SMARCAD1: variants seen among roughly 807,000 people sequenced by gnomAD.
SMARCAD1 encodes the protein SWI/SNF-related matrix-associated actin-dependent regulator of chromatin subfamily A containing DEAD/H box 1.
SMARCAD1 carries 25 observed loss-of-function variants against 127.1 expected under a neutral mutation model. That is an observed-to-expected ratio of 0.20 (90% confidence interval 0.14 to 0.27). The LOEUF (loss-of-function observed/expected upper bound fraction) is 0.27, where lower values mean the gene tolerates loss of function less well. Among genes scored for constraint, SMARCAD1 ranks in the 10% least tolerant of loss-of-function variants. The pLI is 1.00. For synonymous variants in SMARCAD1, 400 were observed against 396.9 expected, an observed-to-expected ratio of 1.01 and a Z score of -0.09; for missense variants, 807 against 1,206.0, an observed-to-expected ratio of 0.67 and a Z score of 4.90.
intron 11 of SMARCAD1, among the ~76,000 whole-genome samples, chr4:94,271,099 T>C (rs1331817227): frequency 6.6e-6 from 1 of 152,238 alleles, no homozygotes; most frequent in East Asian, 1.9e-4. Flanking sequence ...AAGTCACCTG[T>C]AATTCTACCA....
At chr4:94,279,903 C>T (rs1286738965) in intron 19 of SMARCAD1, among the ~76,000 whole-genome samples, 4 of 151,548 alleles carry the variant, frequency 2.6e-5, no homozygotes, top group Non-Finnish European at 5.9e-5. Context: ...TTGCTCTTGT[C>T]GCCCAGGCTG....
At position 94,226,145 on chromosome 4, in the gene SMARCAD1, G is replaced by T; in HGVS notation, c.217G>T (p.Asp73Tyr). ...AGATTCTAGTGTTCCAGAAACTCCA[G>T]ATAATGAAAGAAAAGCAAGTATATC... ...TEDSSVPETP[D>Y]NERKASISYF... Residue 73 changes from aspartate to tyrosine, a missense_variant, in exon 3 of 24, where the codon GAT becomes TAT. This residue lies in a region of SMARCAD1 where 175 missense variants were observed against 169.5 expected (regional missense o/e 1.03). Coordinates refer to ENST00000354268, the MANE Select transcript of SMARCAD1 (RefSeq NM_020159.5). 1.9e-6 allele frequency: 3 copies of T among 1,611,004 alleles called. No homozygotes were observed. Among genetic ancestry groups the T allele is most frequent in the Non-Finnish European group, 2.5e-6 (3 of 1,177,842 alleles).
chr4:94,238,950 G>A (rs958432890), intron 5 of SMARCAD1, among the ~76,000 whole-genome samples: 11 of 152,100 alleles, frequency 7.2e-5, no homozygotes, highest in African/African-American at 1.7e-4. Flanking sequence ...AACCTCTGCC[G>A]TCATAAGAGT....
At chr4:94,279,312 A>C (rs1272276176) in intron 19 of SMARCAD1, among the ~76,000 whole-genome samples, 4 of 152,210 alleles carry the variant, frequency 2.6e-5, no homozygotes, top group African/African-American at 9.6e-5. Context: ...ATGCCCGGCT[A>C]ATTTTTTTGT....
chr4:94,223,761 A>T (rs28735979), intron 2 of SMARCAD1, among the ~76,000 whole-genome samples: 4,738 of 35,660 alleles, frequency 0.13, 287 homozygotes, highest in Middle Eastern at 0.19. Flanking sequence ...TTTTTTTTTT[A>T]AAGTAGAGAC....
chr4:94,254,531 G>A (rs7685121), intron 9 of SMARCAD1, among the ~76,000 whole-genome samples: 83,273 of 151,896 alleles, frequency 0.55, 23,323 homozygotes, highest in East Asian at 0.72. Flanking sequence ...CTTAACATGT[G>A]GAAAGCATAT....
rs1004591103 is a variant in SMARCAD1, at chr4:94,223,573, C to T, written c.191-2546C>T. Among the ~76,000 whole-genome samples, 190 of 142,922 alleles carry T rather than the reference C, an allele frequency of 1.3e-3. 7 individuals are homozygous for T. The South Asian group carries it at 0.029, about 22-fold the overall frequency. 93.8% of individuals were successfully genotyped at this position (142,922 alleles called of 152,430 possible). ...CATTTTCTCATAGCCTTTCCTTTTT[C>T]TTTTTTTTTTTGGAGACAGAGTTAA... On this transcript the variant is annotated intron_variant, in intron 2 of 23. Coordinates refer to ENST00000354268, the MANE Select transcript of SMARCAD1 (RefSeq NM_020159.5).
At chr4:94,273,834 A>G (rs1335111149) in intron 12 of SMARCAD1, 118 bp downstream of exon 12, 4 of 761,586 alleles carry the variant, frequency 5.3e-6, no homozygotes, top group South Asian at 1.6e-5. Flanking sequence ...GTAGAGATGA[A>G]TATTAATTTT....
chr4:94,246,496 G>A (rs1257738966), intron 6 of SMARCAD1, among the ~76,000 whole-genome samples: 1 of 152,176 alleles, frequency 6.6e-6, no homozygotes, highest in Admixed American at 6.5e-5. Context: ...CTTGCCTCCA[G>A]TGTGCAGTGA....
At chr4:94,284,389 TGTTGTAATGTA>T (rs1171124987) in intron 22 of SMARCAD1, among the ~76,000 whole-genome samples, 2 of 149,522 alleles carry the variant, frequency 1.3e-5, no homozygotes, top group Non-Finnish European at 3.0e-5. Flanking sequence ...CAGAACTGTT[TGTTGTAATGTA>T]GTTGTAATGT....
intron 10 of SMARCAD1, chr4:94,270,431 A>G: frequency 3.3e-6 from 1 of 301,652 alleles, no homozygotes; most frequent in Non-Finnish European, 6.4e-6. Flanking sequence ...TATTAATATT[A>G]TCATAGTTAA....
In SMARCAD1 at chr4:94,208,086, A is replaced by G. The variant is rs1741502989; in HGVS notation, c.-50+16A>G. 5.7e-6 allele frequency: 3 copies of G among 522,888 alleles called. No individual in the cohort carries two copies. Among genetic ancestry groups the G allele is most frequent in the Non-Finnish European group, 1.1e-5 (3 of 272,850 alleles). The allele number at this position is 522,888 out of a possible 1,614,324, so 32.4% of individuals were successfully genotyped here. On this transcript the variant is annotated intron_variant, in intron 1 of 23. Transcript: ENST00000354268. ...GCGTGCTTGGGTAAGAGGAGGTTGCATGAGGGTCAGCTCGTGGTTTCAGTA... is the reference window on the plus strand; with the variant it reads ...GCGTGCTTGGGTAAGAGGAGGTTGCGTGAGGGTCAGCTCGTGGTTTCAGTA...
Position 94,268,442 on chromosome 4 carries a change from A to G in SMARCAD1, c.1482-2286A>G, listed in dbSNP as rs1444302195. Among the ~76,000 whole-genome samples, 3 of 152,168 alleles carry G rather than the reference A, an allele frequency of 2.0e-5. No homozygotes were observed. The East Asian group carries it at 5.8e-4, about 29-fold the overall frequency. On this transcript the variant is annotated intron_variant, in intron 10 of 23. Coordinates refer to ENST00000354268, the MANE Select transcript of SMARCAD1 (RefSeq NM_020159.5). ...GGCATGTGGGTCCTTGGCTGCATTTATAAGTGATGTATGCCTACCTTATCA... is the reference window on the plus strand; with the variant it reads ...GGCATGTGGGTCCTTGGCTGCATTTGTAAGTGATGTATGCCTACCTTATCA...
At chr4:94,256,360 TTTTTG>T (rs895975325) in intron 9 of SMARCAD1, among the ~76,000 whole-genome samples, 13 of 152,066 alleles carry the variant, frequency 8.5e-5, no homozygotes, top group African/African-American at 2.9e-4. Context: ...TCTTTTTTGG[TTTTTG>T]TTTTGTTTTG....
intron 2 of SMARCAD1, among the ~76,000 whole-genome samples, chr4:94,220,686 T>C (rs1319566741): frequency 6.6e-6 from 1 of 152,240 alleles, no homozygotes; most frequent in Non-Finnish European, 1.5e-5. Flanking sequence ...ATATTTGCAC[T>C]CATGGTGCAA....
At position 94,212,555 on chromosome 4, in the gene SMARCAD1, C is replaced by T. The variant is rs374785392; in HGVS notation, c.190+3971C>T. ...AGGCTGGAGTGCAGTGGCACAATCT[C>T]GGCTCACTGCAACCTCTGCCTCCTG... On this transcript the variant is annotated intron_variant, in intron 2 of 23. Transcript: ENST00000354268. 4.0e-5 allele frequency among the ~76,000 whole-genome samples: 6 copies of T among 149,250 alleles called. No homozygotes were observed. In the South Asian group the frequency reaches 6.5e-4, roughly 16 times the overall value.
At chr4:94,223,747 TTTTTTTTTTTTTTA>T (rs1038907390) in intron 2 of SMARCAD1, among the ~76,000 whole-genome samples, 4 of 101,488 alleles carry the variant, frequency 3.9e-5, no homozygotes, top group Non-Finnish European at 8.8e-5. Context: ...TTTTTTTTTT[TTTTTTTTTTTTTTA>T]AAGTAGAGAC....
intron 6 of SMARCAD1, among the ~76,000 whole-genome samples, chr4:94,246,924 A>G (rs1218196086): frequency 6.6e-6 from 1 of 152,244 alleles, no homozygotes; most frequent in Admixed American, 6.5e-5. Flanking sequence ...TGATAACTGC[A>G]TAGCCATATT....
In SMARCAD1 at chr4:94,264,890, T is replaced by C; in HGVS notation, c.1465T>C (p.Ser489Pro). ...AGGTGGATGGAACATAGAACAACCT[T>C]CCATTCTAAACCAAAGGTAATCTTT... The part of the protein sequence containing the change: ...NGGGWNIEQP[S>P]ILNQSLSLKP... The change falls in exon 10 of 24, where the codon TCC (serine) becomes CCC (proline). Residue 489 changes from serine to proline, a missense_variant. By Grantham distance (74) the Ser-to-Pro change is moderately conservative. Transcript: ENST00000354268. 1 of 1,612,426 alleles carries C rather than the reference T, an allele frequency of 6.2e-7. No homozygotes were observed. Among genetic ancestry groups the C allele is most frequent in the Non-Finnish European group, 8.5e-7 (1 of 1,178,800 alleles).
Sources: allele counts gnomAD v4.1 joint callset (sites outside exome capture counted in the v4.1 genomes callset), GRCh38; gene constraint gnomAD v4.1.1; regional missense constraint gnomAD v4.1.1; transcripts MANE v1.5; gene names NCBI Gene and HGNC (gene_info 2026-07-23, HGNC 2026-07-21).